Variants in GMDS observed in about 807,000 individuals in gnomAD.
GMDS encodes the protein GDP-mannose 4,6 dehydratase.
In GMDS, 20 loss-of-function variants were observed where a neutral mutation model predicts 49.9. The ratio of observed to expected loss-of-function variants is 0.40; its 90% CI spans 0.28 to 0.58. The LOEUF (loss-of-function observed/expected upper bound fraction) is 0.58. GMDS is among the 20% of genes least tolerant of loss of function. GMDS has a pLI of 0.42. For synonymous variants in GMDS, 177 were observed against 178.6 expected (o/e 0.99, Z 0.07); for missense variants, 362 against 481.4 (o/e 0.75, Z 2.32).
intron 7 of GMDS, among the ~76,000 whole-genome samples, chr6:1,913,499 G>T (rs1213396865): frequency 6.6e-6 from 1 of 151,480 alleles, no homozygotes; most frequent in African/African-American, 2.4e-5. Context: ...CTATCTAAAA[G>T]ACATTTTTAG....
chr6:1,753,790 A>T (rs138925357), intron 7 of GMDS, among the ~76,000 whole-genome samples: 1 of 152,358 alleles, frequency 6.6e-6, no homozygotes, highest in Non-Finnish European at 1.5e-5. Flanking sequence ...ACTACTGGGT[A>T]AATAACAAAA....
intron 9 of GMDS, among the ~76,000 whole-genome samples, chr6:1,715,273 T>A (rs1263968019): frequency 6.6e-6 from 1 of 152,216 alleles, no homozygotes; most frequent in Non-Finnish European, 1.5e-5. Flanking sequence ...AACATTATTA[T>A]TTTTATTCCC....
intron 9 of GMDS, among the ~76,000 whole-genome samples, chr6:1,633,417 A>T (rs748992398): frequency 6.6e-6 from 1 of 152,200 alleles, no homozygotes; most frequent in Non-Finnish European, 1.5e-5. Flanking sequence ...AAACGTGGAC[A>T]AGAGAAGGCC....
chr6:2,158,525 G>T (rs753257332), intron 1 of GMDS, among the ~76,000 whole-genome samples: 13 of 152,322 alleles, frequency 8.5e-5, no homozygotes, highest in Non-Finnish European at 1.3e-4. Context: ...TTCCCCATCA[G>T]TTAAATGGAA....
intron 9 of GMDS, among the ~76,000 whole-genome samples, chr6:1,680,674 C>T (rs1032027000): frequency 3.3e-5 from 5 of 152,180 alleles, no homozygotes; most frequent in African/African-American, 9.7e-5. Flanking sequence ...TCATGAACGG[C>T]GTATGTTCCA....
chr6:1,767,510 G>A (rs1335961663), intron 7 of GMDS, among the ~76,000 whole-genome samples: 1 of 152,166 alleles, frequency 6.6e-6, no homozygotes, highest in Admixed American at 6.5e-5. Context: ...GCTATTGGTG[G>A]CCCTCCCTTG....
chr6:1,895,166 G>A (rs1760089574), intron 7 of GMDS, among the ~76,000 whole-genome samples: 1 of 152,180 alleles, frequency 6.6e-6, no homozygotes, highest in South Asian at 2.1e-4. Context: ...GGGAGTGCCT[G>A]AGGGTGTGGT....
intron 1 of GMDS, among the ~76,000 whole-genome samples, chr6:2,130,730 T>C (rs996923493): frequency 6.6e-6 from 1 of 152,186 alleles, no homozygotes; most frequent in Non-Finnish European, 1.5e-5. Context: ...TGCAATGTTA[T>C]GTTATGTCCA....
rs1293147682 is a variant in GMDS, at chr6:2,115,753, C to A, written c.345+18G>T. 7.8e-7 allele frequency: 1 copy of A among 1,280,174 alleles called. No individual in the cohort carries two copies. 79.3% of individuals were successfully genotyped at this position (1,280,174 alleles called of 1,614,324 possible). A position where few individuals can be genotyped will look rare whatever the true frequency, so the allele number is the denominator to read the frequency against. On this transcript the variant is annotated intron_variant, in intron 4 of 10. Coordinates refer to ENST00000380815, the MANE Select transcript of GMDS (RefSeq NM_001500.4). Reference sequence around the variant, plus strand: ...GCCACAGAAACACGGCCAGAGAAATCCCAATGAAAATGCTTACTTTGACGT... The same window carrying A: ...GCCACAGAAACACGGCCAGAGAAATACCAATGAAAATGCTTACTTTGACGT...
intron 1 of GMDS, among the ~76,000 whole-genome samples, chr6:2,181,099 C>A (rs141220504): frequency 2.8e-5 from 4 of 142,106 alleles, no homozygotes; most frequent in African/African-American, 1.1e-4. Context: ...GGCATGAACC[C>A]GGGTGGTGGA....
At chr6:1,683,376 G>A (rs910540504) in intron 9 of GMDS, among the ~76,000 whole-genome samples, 3 of 152,178 alleles carry the variant, frequency 2.0e-5, no homozygotes, top group Non-Finnish European at 4.4e-5. Context: ...GTCCGCCTCG[G>A]CCTCCCAAAG....
intron 7 of GMDS, among the ~76,000 whole-genome samples, chr6:1,791,696 A>G (rs1769548564): frequency 6.6e-6 from 1 of 152,244 alleles, no homozygotes; most frequent in Admixed American, 6.5e-5. Flanking sequence ...TGGAATTAAC[A>G]TATTATTTCC....
intron 4 of GMDS, among the ~76,000 whole-genome samples, chr6:2,032,535 T>C (rs892330569): frequency 6.6e-6 from 1 of 152,202 alleles, no homozygotes; most frequent in Non-Finnish European, 1.5e-5. Flanking sequence ...CAAAATGAGA[T>C]CTGGAATCCA....
intron 8 of GMDS, among the ~76,000 whole-genome samples, chr6:1,741,507 A>G (rs1031730028): frequency 2.0e-5 from 3 of 152,016 alleles, no homozygotes; most frequent in Admixed American, 1.3e-4. Flanking sequence ...AATTTCTTTC[A>G]TCTTTCTTTT....
chr6:2,230,941 AC>A (rs56658390), intron 1 of GMDS, among the ~76,000 whole-genome samples: 590 of 18,668 alleles, frequency 0.032, 11 homozygotes, highest in Middle Eastern at 0.095. Context: ...CCCCCCTCCC[AC>A]CCCCCCCCCC....
At chr6:2,074,906 T>A (rs1772235255) in intron 4 of GMDS, among the ~76,000 whole-genome samples, 1 of 152,212 alleles carries the variant, frequency 6.6e-6, no homozygotes, top group South Asian at 2.1e-4. Flanking sequence ...GAGGGTGTAC[T>A]TTCCCTAACG....
intron 7 of GMDS, among the ~76,000 whole-genome samples, chr6:1,832,218 C>T (rs1339567396): frequency 1.3e-5 from 2 of 151,104 alleles, no homozygotes; most frequent in African/African-American, 4.9e-5. Context: ...TAACAAGACC[C>T]CATCTCTACA....
At chr6:1,660,521 C>T (rs1485589031) in intron 9 of GMDS, among the ~76,000 whole-genome samples, 2 of 151,580 alleles carry the variant, frequency 1.3e-5, no homozygotes, top group East Asian at 1.9e-4. Flanking sequence ...GGGAGGAGAA[C>T]GGATGTAGGG....
At chr6:1,962,287 A>G (rs571704560) in intron 4 of GMDS, among the ~76,000 whole-genome samples, 2 of 152,294 alleles carry the variant, frequency 1.3e-5, no homozygotes, top group South Asian at 4.1e-4. Flanking sequence ...CTCTGACCCC[A>G]ACAGCCCTGT....
Sources: gnomAD v4.1 joint callset for allele counts (sites outside exome capture counted in the v4.1 genomes callset) on GRCh38, gnomAD v4.1.1 for gene constraint, MANE v1.5 for transcripts, NCBI Gene and HGNC (gene_info 2026-07-23, HGNC 2026-07-21) for gene names.